The following EVA1C variants were observed in gnomAD, a reference collection of about 807,000 sequenced individuals.
The protein encoded by EVA1C is eva-1 homolog C.
In EVA1C, 25 loss-of-function variants were observed where a neutral mutation model predicts 45.4. The observed-to-expected ratio is 0.55, with a 90% CI of 0.40 to 0.77. EVA1C has a LOEUF of 0.77. Ranked by LOEUF, EVA1C falls within the 30% of genes least tolerant of loss-of-function variation. The pLI, the probability that EVA1C is intolerant of heterozygous loss-of-function variation, is 0.00. For synonymous variants in EVA1C, 190 were observed against 221.2 expected, an observed-to-expected ratio of 0.86 and a Z score of 1.25; for missense variants, 479 against 554.8, an observed-to-expected ratio of 0.86 and a Z score of 1.37.
At chr21:32,475,368 A>AT (rs201601713) in intron 4 of EVA1C, among the ~76,000 whole-genome samples, 12 of 148,692 alleles carry the variant, frequency 8.1e-5, no homozygotes, top group East Asian at 2.8e-4. Context: ...CATCATCATC[A>AT]TTTTTATTGT....
At position 32,515,335 on chromosome 21, in the gene EVA1C, G is replaced by C. The variant is rs1247578491; in HGVS notation, c.*145G>C. On this transcript the variant is annotated 3_prime_UTR_variant, in exon 8 of 8. Transcript: ENST00000300255. ...CGTGAGGCCAGGAAGCTATTAAAGG[G>C]ATGTTTCAAGCTGTTTCTAGCACAT... 1.2e-6 allele frequency: 1 copy of C among 807,066 alleles called. No individual in the cohort carries two copies. Among genetic ancestry groups the C allele is most frequent in the Non-Finnish European group, 1.9e-6 (1 of 531,824 alleles). The allele number at this position is 807,066 out of a possible 1,614,324, so 50.0% of individuals were successfully genotyped here. A position where few individuals can be genotyped will look rare whatever the true frequency, so the allele number is the denominator to read the frequency against.
intron 4 of EVA1C, among the ~76,000 whole-genome samples, chr21:32,483,442 T>C (rs2036862316): frequency 6.6e-6 from 1 of 152,190 alleles, no homozygotes; most frequent in Non-Finnish European, 1.5e-5. Context: ...TGTTTACTCT[T>C]CATTCATGAA....
At chr21:32,478,213 G>T (rs1172254232) in intron 4 of EVA1C, among the ~76,000 whole-genome samples, 1 of 151,050 alleles carries the variant, frequency 6.6e-6, no homozygotes, top group South Asian at 2.1e-4. Flanking sequence ...AGATAATTAA[G>T]TTTTATATAT....
chr21:32,431,651 ATATT>A (rs1055408015), intron 1 of EVA1C, among the ~76,000 whole-genome samples: 1 of 152,174 alleles, frequency 6.6e-6, no homozygotes, highest in African/African-American at 2.4e-5. Context: ...TAAATATGTA[ATATT>A]TATTATTATT....
chr21:32,502,052 CTTCTTTCT>C (rs1309483325), intron 6 of EVA1C, among the ~76,000 whole-genome samples: 1 of 98,168 alleles, frequency 1.0e-5, no homozygotes, highest in Non-Finnish European at 2.0e-5. Context: ...TTCTTTCTTT[CTTCTTTCT>C]TTCTTTCTTC....
chr21:32,428,654 C>T (rs772720604), intron 1 of EVA1C: 1 of 152,204 alleles, frequency 6.6e-6, no homozygotes, highest in Non-Finnish European at 1.5e-5. Flanking sequence ...TATTTGTCTT[C>T]ATTACCCACA....
At chr21:32,514,553 A>T (rs1234527563) in intron 7 of EVA1C, among the ~76,000 whole-genome samples, 2 of 152,234 alleles carry the variant, frequency 1.3e-5, no homozygotes, top group African/African-American at 4.8e-5. Context: ...GTTTGAACTC[A>T]GAGGAGTCTG....
intron 6 of EVA1C, among the ~76,000 whole-genome samples, chr21:32,501,979 C>A (rs879749633): frequency 6.7e-6 from 1 of 149,348 alleles, no homozygotes; most frequent in African/African-American, 2.5e-5. Context: ...CTCTCTCTCT[C>A]GCTCTTTTCT....
At chr21:32,424,846 G>GTGA (rs1344019813) in intron 1 of EVA1C, among the ~76,000 whole-genome samples, 3 of 151,922 alleles carry the variant, frequency 2.0e-5, no homozygotes, top group Non-Finnish European at 4.4e-5. Flanking sequence ...TGATGATGAC[G>GTGA]TGATGATGAT....
intron 4 of EVA1C, among the ~76,000 whole-genome samples, chr21:32,475,773 C>G (rs1433568696): frequency 6.6e-6 from 1 of 152,096 alleles, no homozygotes; most frequent in Non-Finnish European, 1.5e-5. Context: ...TCCCTTTCTT[C>G]CGGCTGACTT....
intron 7 of EVA1C, among the ~76,000 whole-genome samples, chr21:32,509,508 C>T (rs189877006): frequency 3.0e-4 from 46 of 152,332 alleles, no homozygotes; most frequent in African/African-American, 8.2e-4. Context: ...CATCCCCAGG[C>T]GCCAAGCTGA....
chr21:32,468,963 G>A (rs1056802118), intron 4 of EVA1C, among the ~76,000 whole-genome samples: 12 of 152,316 alleles, frequency 7.9e-5, no homozygotes, highest in African/African-American at 2.4e-4. Context: ...CTATGCCAGC[G>A]GGCAGTGCCT....
chr21:32,503,775 T>A (rs763538020), intron 6 of EVA1C, 151 bp from the exon 7 acceptor site: 42 of 584,074 alleles, frequency 7.2e-5, no homozygotes, highest in Non-Finnish European at 1.2e-4. Flanking sequence ...CCTGGGTTAA[T>A]CTTCTGTAAT....
chr21:32,442,960 A>T (rs1411125484), intron 1 of EVA1C, among the ~76,000 whole-genome samples: 2 of 142,972 alleles, frequency 1.4e-5, no homozygotes, highest in Non-Finnish European at 3.1e-5. Flanking sequence ...GGTCTTAATT[A>T]TTAGGAAGGA....
chr21:32,448,752 C>CA (rs2035455541), intron 1 of EVA1C, among the ~76,000 whole-genome samples: 2 of 151,672 alleles, frequency 1.3e-5, no homozygotes, highest in African/African-American at 2.4e-5. Context: ...ACTAAAAATA[C>CA]AAAAAAATTA....
In EVA1C at chr21:32,493,242, T is replaced by A. The variant is rs75602735; in HGVS notation, c.635-1785T>A. Among the ~76,000 whole-genome samples the A allele has an allele frequency of 3.3e-3, 509 of 152,334 alleles. 5 individuals are homozygous for A. Among genetic ancestry groups the A allele is most frequent in the African/African-American group, 0.012 (493 of 41,584 alleles). On this transcript the variant is annotated intron_variant, in intron 4 of 7. Transcript: ENST00000300255. ...CTGTAACTCCCCTCAATGTACATTC[T>A]TAAAATTGCTTCCAAACTGCTCTCC... is the stretch of plus-strand genomic sequence containing the variant.
intron 1 of EVA1C, among the ~76,000 whole-genome samples, chr21:32,444,329 T>C (rs2035290670): frequency 6.6e-6 from 1 of 152,168 alleles, no homozygotes; most frequent in South Asian, 2.1e-4. Context: ...GCAGTCACAG[T>C]CTGGGCCTCC....
chr21:32,424,750 C>T (rs2034421743), intron 1 of EVA1C, among the ~76,000 whole-genome samples: 1 of 152,176 alleles, frequency 6.6e-6, no homozygotes, highest in Admixed American at 6.6e-5. Flanking sequence ...ATCTTGTGGT[C>T]TTGCTTGTTC....
chr21:32,449,683 A>G (rs1212531968), intron 1 of EVA1C, among the ~76,000 whole-genome samples: 2 of 150,066 alleles, frequency 1.3e-5, no homozygotes, highest in African/African-American at 4.9e-5. Flanking sequence ...GTGCAGTGGC[A>G]CGATCTCGGC....
Sources: gnomAD v4.1 joint callset for allele counts (sites outside exome capture counted in the v4.1 genomes callset) on GRCh38, gnomAD v4.1.1 for gene constraint, MANE v1.5 for transcripts, NCBI Gene and HGNC (gene_info 2026-07-23, HGNC 2026-07-21) for gene names.